The following DNAJB6 variants were observed in gnomAD, a reference collection of about 807,000 sequenced individuals.
The protein encoded by DNAJB6 is dnaJ homolog subfamily B member 6.
DNAJB6 carries 16 observed loss-of-function variants against 42.7 expected under a neutral mutation model. The ratio of observed to expected loss-of-function variants is 0.37; its 90% confidence interval spans 0.25 to 0.57. The LOEUF (loss-of-function observed/expected upper bound fraction) is 0.57. Ranked by LOEUF, DNAJB6 falls within the 20% of genes least tolerant of loss-of-function variation. The pLI is 0.74. For synonymous variants in DNAJB6, 170 were observed against 163.5 expected, an observed-to-expected ratio of 1.04 and a Z score of -0.30; for missense variants, 347 against 416.8, an observed-to-expected ratio of 0.83 and a Z score of 1.46.
intron 1 of DNAJB6, among the ~76,000 whole-genome samples, chr7:157,344,485 C>T (rs1798581732): frequency 6.6e-6 from 1 of 151,684 alleles, no homozygotes; most frequent in African/African-American, 2.4e-5. Context: ...TGCACTCCAG[C>T]CTGGGCAACA....
intron 2 of DNAJB6, among the ~76,000 whole-genome samples, chr7:157,361,182 G>A (rs948702873): frequency 2.0e-5 from 3 of 148,322 alleles, no homozygotes; most frequent in South Asian, 4.3e-4. Flanking sequence ...TTTTTGAGAC[G>A]GTGTCTCGCT....
chr7:157,397,159 G>A (rs190328724), intron 8 of DNAJB6, among the ~76,000 whole-genome samples: 4 of 152,334 alleles, frequency 2.6e-5, no homozygotes, highest in Admixed American at 2.6e-4. Flanking sequence ...AGCCCCGTGC[G>A]TCTGTAGCTA....
intron 9 of DNAJB6, chr7:157,412,350 C>G (rs560591245): frequency 1.8e-4 from 28 of 152,284 alleles, no homozygotes; most frequent in African/African-American, 6.7e-4. Context: ...CAGGCTCGCT[C>G]ATTATACAAT....
intron 1 of DNAJB6, among the ~76,000 whole-genome samples, chr7:157,346,717 AC>A (rs1250952384): frequency 1.3e-5 from 2 of 152,246 alleles, no homozygotes; most frequent in African/African-American, 4.8e-5. Flanking sequence ...ATTGTGTCTT[AC>A]ATCAGTGATG....
At chr7:157,383,710 G>A (rs564631138) in intron 6 of DNAJB6, among the ~76,000 whole-genome samples, 2 of 152,078 alleles carry the variant, frequency 1.3e-5, no homozygotes, top group East Asian at 1.9e-4. Flanking sequence ...AATACTTAGC[G>A]AGGCTTAATT....
intron 5 of DNAJB6, among the ~76,000 whole-genome samples, chr7:157,373,676 A>G (rs1426894830): frequency 6.6e-6 from 1 of 152,208 alleles, no homozygotes; most frequent in East Asian, 1.9e-4. Flanking sequence ...AATGAGAGCT[A>G]GAAGTTAGGG....
chr7:157,376,621 C>G (rs1472994665), intron 5 of DNAJB6, among the ~76,000 whole-genome samples: 1 of 152,174 alleles, frequency 6.6e-6, no homozygotes, highest in Non-Finnish European at 1.5e-5. Context: ...AGATCATAAC[C>G]TGTAATCCCT....
chr7:157,353,494 T>A (rs1364111037), intron 1 of DNAJB6, among the ~76,000 whole-genome samples: 1 of 152,124 alleles, frequency 6.6e-6, no homozygotes, highest in African/African-American at 2.4e-5. Flanking sequence ...GTCCTTTTCC[T>A]GTTCTAGAAA....
In DNAJB6 at chr7:157,353,445, T is replaced by C. The variant is rs116537054; in HGVS notation, c.-26-5102T>C. 2.7e-3 allele frequency among the ~76,000 whole-genome samples: 415 copies of C among 152,292 alleles called. 3 individuals are homozygous for C. The highest frequency in any genetic ancestry group is 9.6e-3 in the African/African-American group (398 of 41,564). On this transcript the variant is annotated intron_variant, in intron 1 of 9. Transcript: ENST00000262177. ...TTGACACCGCTACAGTATTGTTAAA[T>C]GTGGACTTTATTCATATTCCACCTG...
rs533497802 is a variant in DNAJB6, at chr7:157,337,086, G to T, written c.-85G>T. The T allele has an allele frequency of 4.7e-3, 716 of 152,820 alleles. 4 individuals carry two copies. The highest frequency in any genetic ancestry group is 7.6e-3 in the Non-Finnish European group (523 of 68,438). The allele number at this position is 152,820 out of a possible 1,614,324, so 9.5% of individuals were successfully genotyped here. On this transcript the variant is annotated 5_prime_UTR_variant, in exon 1 of 10. Coordinates refer to ENST00000262177, the MANE Select transcript of DNAJB6 (RefSeq NM_058246.4). ...AGCGCAGCAGTCCTGGAGCTGTGAG[G>T]AGATTCGGGCCGTCACCCTGCCTCC...
chr7:157,412,648 T>C (rs1037803261), intron 9 of DNAJB6: 2 of 152,246 alleles, frequency 1.3e-5, no homozygotes, highest in Non-Finnish European at 2.9e-5. Flanking sequence ...ATCATCTTTT[T>C]GTGGGATTTG....
chr7:157,350,771 C>G (rs1241123215), intron 1 of DNAJB6, among the ~76,000 whole-genome samples: 3 of 151,608 alleles, frequency 2.0e-5, no homozygotes, highest in Non-Finnish European at 4.4e-5. Context: ...CTCACTGCAA[C>G]CACCACCTCC....
At chr7:157,369,032 G>T in intron 5 of DNAJB6, 1 of 359,364 alleles carries the variant, frequency 2.8e-6, no homozygotes, top group Non-Finnish European at 5.4e-6. Flanking sequence ...ATTATGGGCT[G>T]GCTGGCTTGA....
chr7:157,357,468 T>C (rs1799366920), intron 1 of DNAJB6, among the ~76,000 whole-genome samples: 1 of 150,710 alleles, frequency 6.6e-6, no homozygotes, highest in Admixed American at 6.7e-5. Flanking sequence ...TGCACCACGA[T>C]GCCGGCTAAT....
chr7:157,339,644 T>TGA (rs1798248487), intron 1 of DNAJB6, among the ~76,000 whole-genome samples: 5 of 36,554 alleles, frequency 1.4e-4, no homozygotes, highest in Admixed American at 3.9e-4. Flanking sequence ...TGTGTGTGTG[T>TGA]GTGAGATGGA....
At chr7:157,378,176 C>T (rs932758357) in intron 5 of DNAJB6, 1 of 152,184 alleles carries the variant, frequency 6.6e-6, no homozygotes, top group East Asian at 1.9e-4. Flanking sequence ...CAGCCACTTT[C>T]TTCCACTGCC....
intron 5 of DNAJB6, chr7:157,370,977 T>C (rs1241376778): frequency 2.6e-5 from 4 of 152,400 alleles, no homozygotes; most frequent in African/African-American, 9.6e-5. Context: ...CGAACTGGCC[T>C]GTTGGGAACA....
At chr7:157,337,480 T>TGGGGCTCGGCG (rs879915331) in intron 1 of DNAJB6, 3,056 of 151,686 alleles carry the variant, frequency 0.02, 41 homozygotes, top group East Asian at 0.054. Flanking sequence ...GGGGCTCGGC[T>TGGGGCTCGGCG]GGGGCTCGGC....
intron 9 of DNAJB6, chr7:157,413,264 A>G (rs1025493907): frequency 4.6e-5 from 7 of 152,264 alleles, no homozygotes; most frequent in Admixed American, 4.6e-4. Flanking sequence ...GTAACTGTTA[A>G]AAAAGGAAAA....
Sources: allele counts gnomAD v4.1 joint callset (sites outside exome capture counted in the v4.1 genomes callset), GRCh38; gene constraint gnomAD v4.1.1; transcripts MANE v1.5; gene names NCBI Gene and HGNC (gene_info 2026-07-23, HGNC 2026-07-21).